DENND1A: variants seen among roughly 807,000 people sequenced by gnomAD.
The protein encoded by DENND1A is DENN domain-containing protein 1A.
DENND1A carries 51 observed loss-of-function variants against 113.7 expected under a neutral mutation model. That is an observed-to-expected ratio of 0.45 (90% CI 0.36 to 0.57). DENND1A has a LOEUF of 0.57. Among genes scored for constraint, DENND1A ranks in the 20% least tolerant of loss-of-function variants. The pLI is 0.00. For missense variants in DENND1A, 1,258 were observed against 1,395.9 expected (o/e 0.90, Z 1.57); for synonymous variants, 565 against 570.8 (o/e 0.99, Z 0.14).
chr9:123,857,688 T>C (rs7855290), intron 2 of DENND1A, among the ~76,000 whole-genome samples: 5,452 of 152,174 alleles, frequency 0.036, 104 homozygotes, highest in Middle Eastern at 0.048. Context: ...CAAACCCAAA[T>C]TGAGGCTTGT....
At chr9:123,427,770 G>A (rs1214750466) in intron 19 of DENND1A, among the ~76,000 whole-genome samples, 1 of 152,176 alleles carries the variant, frequency 6.6e-6, no homozygotes, top group East Asian at 1.9e-4. Context: ...TTCAGGTGGG[G>A]CCCTACCTGC....
intron 2 of DENND1A, among the ~76,000 whole-genome samples, chr9:123,878,633 T>G (rs1847870055): frequency 6.6e-6 from 1 of 152,206 alleles, no homozygotes; most frequent in Non-Finnish European, 1.5e-5. Context: ...GAAGCCCTGC[T>G]CATTAGCAAG....
intron 5 of DENND1A, among the ~76,000 whole-genome samples, chr9:123,730,927 T>TA (rs948441586): frequency 4.0e-5 from 6 of 151,882 alleles, no homozygotes; most frequent in African/African-American, 7.2e-5. Flanking sequence ...TATGCAGCCA[T>TA]AAAAAAAAGA....
chr9:123,880,343 A>C (rs1848146368), intron 1 of DENND1A, among the ~76,000 whole-genome samples: 1 of 152,210 alleles, frequency 6.6e-6, no homozygotes, highest in African/African-American at 2.4e-5. Context: ...CAGAATGTTT[A>C]TGGTTAATTC....
intron 1 of DENND1A, among the ~76,000 whole-genome samples, chr9:123,917,455 T>C (rs13294390): frequency 0.077 from 11,777 of 152,142 alleles, 774 homozygotes; most frequent in African/African-American, 0.18. Flanking sequence ...GTTGGTGTTG[T>C]TGGAAATCAA....
At chr9:123,550,118 G>A (rs912134519) in intron 13 of DENND1A, among the ~76,000 whole-genome samples, 3 of 152,144 alleles carry the variant, frequency 2.0e-5, no homozygotes, top group African/African-American at 7.2e-5. Flanking sequence ...GGTTTTAGGT[G>A]GATAAATATG....
intron 19 of DENND1A, among the ~76,000 whole-genome samples, chr9:123,433,433 C>G (rs142452959): frequency 6.6e-6 from 1 of 152,122 alleles, no homozygotes; most frequent in Non-Finnish European, 1.5e-5. Flanking sequence ...TATGTGTGAG[C>G]CTGTGTGTGT....
intron 2 of DENND1A, among the ~76,000 whole-genome samples, chr9:123,852,942 G>A (rs1352523668): frequency 6.7e-6 from 1 of 149,476 alleles, no homozygotes; most frequent in African/African-American, 2.5e-5. Context: ...GTTTTGAGAT[G>A]GAATCCTGCT....
At chr9:123,849,276 T>C (rs1843017730) in intron 2 of DENND1A, among the ~76,000 whole-genome samples, 1 of 152,220 alleles carries the variant, frequency 6.6e-6, no homozygotes, top group African/African-American at 2.4e-5. Context: ...CCAATGCTCA[T>C]CGACCATTCT....
chr9:123,746,796 T>C (rs944686484), intron 5 of DENND1A, among the ~76,000 whole-genome samples: 32 of 152,150 alleles, frequency 2.1e-4, no homozygotes, highest in African/African-American at 7.7e-4. Context: ...TTTATAAAAG[T>C]TTTGTTTTCA....
At chr9:123,615,214 T>G (rs1316488600) in intron 10 of DENND1A, among the ~76,000 whole-genome samples, 1 of 152,202 alleles carries the variant, frequency 6.6e-6, no homozygotes, top group Non-Finnish European at 1.5e-5. Flanking sequence ...CCTCATTAGA[T>G]TCTCACCATA....
chr9:123,816,573 G>A (rs73580087), intron 2 of DENND1A, among the ~76,000 whole-genome samples: 4,946 of 152,110 alleles, frequency 0.033, 264 homozygotes, highest in African/African-American at 0.11. Flanking sequence ...TCTTAAATTG[G>A]GAATGTTTGA....
At chr9:123,413,856 A>C (rs1588409798) in intron 19 of DENND1A, 1 of 984,878 alleles carries the variant, frequency 1.0e-6, no homozygotes, top group East Asian at 1.1e-4. Context: ...CACACCATTC[A>C]TCAAGAGGAA....
chr9:123,706,145 C>CTTTTT (rs368559777), intron 5 of DENND1A, among the ~76,000 whole-genome samples: 28 of 133,138 alleles, frequency 2.1e-4, no homozygotes, highest in African/African-American at 7.7e-4. Flanking sequence ...GATATTTTTT[C>CTTTTT]TTTTTTTTTT....
intron 5 of DENND1A, among the ~76,000 whole-genome samples, chr9:123,732,842 T>C (rs2068274461): frequency 6.6e-6 from 1 of 152,250 alleles, no homozygotes; most frequent in Admixed American, 6.5e-5. Context: ...TTACTTAATC[T>C]GTCCAAACCT....
chr9:123,566,857 C>T (rs2058079439), intron 12 of DENND1A, among the ~76,000 whole-genome samples: 1 of 150,752 alleles, frequency 6.6e-6, no homozygotes, highest in African/African-American at 2.4e-5. Flanking sequence ...TTTTGTTGGC[C>T]CAGAGTAAGT....
intron 21 of DENND1A, among the ~76,000 whole-genome samples, chr9:123,390,586 C>T (rs574238897): frequency 8.5e-5 from 13 of 152,380 alleles, no homozygotes; most frequent in African/African-American, 2.9e-4. Flanking sequence ...GTCCACCCAT[C>T]CATCTGTCCA....
chr9:123,800,428 A>G (rs1834446603), intron 2 of DENND1A, among the ~76,000 whole-genome samples: 1 of 152,232 alleles, frequency 6.6e-6, no homozygotes, highest in South Asian at 2.1e-4. Flanking sequence ...GAAGCTCTCT[A>G]TTTAATAAAT....
chr9:123,623,882 T>C (rs1159730078), intron 10 of DENND1A, among the ~76,000 whole-genome samples: 1 of 152,200 alleles, frequency 6.6e-6, no homozygotes, highest in Non-Finnish European at 1.5e-5. Flanking sequence ...CCATTTAACA[T>C]GTCTTTGTCC....
Sources: allele counts gnomAD v4.1 joint callset (sites outside exome capture counted in the v4.1 genomes callset), GRCh38; gene constraint gnomAD v4.1.1; transcripts MANE v1.5; gene names NCBI Gene and HGNC (gene_info 2026-07-23, HGNC 2026-07-21).